ELP4: variants seen among roughly 807,000 people sequenced by gnomAD.
ELP4 encodes the protein elongator acetyltransferase complex subunit 4, also known as elongator complex protein 4.
ELP4 carries 51 observed loss-of-function variants against 48.9 expected under a neutral mutation model. The ratio of observed to expected loss-of-function variants is 1.04; its 90% CI spans 0.83 to 1.32. ELP4 has a LOEUF of 1.32. Among genes scored for constraint, ELP4 ranks in the 40% most tolerant of loss-of-function variants. The pLI is 0.00. For missense variants in ELP4, 519 were observed against 514.6 expected, an observed-to-expected ratio of 1.01 and a Z score of -0.08; for synonymous variants, 210 against 189.2, an observed-to-expected ratio of 1.11 and a Z score of -0.90.
intron 9 of ELP4, among the ~76,000 whole-genome samples, chr11:31,712,105 C>T (rs1204557695): frequency 6.6e-6 from 1 of 151,852 alleles, no homozygotes; most frequent in African/African-American, 2.4e-5. Context: ...GTCTAGTTAC[C>T]ATCATTATGA....
chr11:31,779,043 GA>G (rs1160879471), intron 9 of ELP4, among the ~76,000 whole-genome samples: 1 of 151,944 alleles, frequency 6.6e-6, no homozygotes, highest in East Asian at 1.9e-4. Context: ...ATGTTTTAAA[GA>G]AAAATGAAAA....
chr11:31,532,743 A>C (rs890999153), intron 2 of ELP4, among the ~76,000 whole-genome samples: 8 of 149,906 alleles, frequency 5.3e-5, no homozygotes, highest in African/African-American at 1.9e-4. Context: ...CTCAGGGTGT[A>C]CAAGTACAGA....
At chr11:31,602,989 G>A (rs1957809631) in intron 4 of ELP4, among the ~76,000 whole-genome samples, 1 of 151,874 alleles carries the variant, frequency 6.6e-6, no homozygotes, top group South Asian at 2.1e-4. Context: ...TAATAATAAT[G>A]TTATGTTAGT....
chr11:31,744,905 G>C (rs1246428052), intron 9 of ELP4, among the ~76,000 whole-genome samples: 2 of 152,192 alleles, frequency 1.3e-5, no homozygotes, highest in East Asian at 1.9e-4. Context: ...TCAGGCAGGG[G>C]AAGGAAATAA....
At chr11:31,642,792 A>G (rs2146568) in intron 7 of ELP4, among the ~76,000 whole-genome samples, 14,145 of 151,908 alleles carry the variant, frequency 0.093, 878 homozygotes, top group East Asian at 0.22. Flanking sequence ...TTAATAAAAT[A>G]AAAATCTAAT....
Position 31,631,537 on chromosome 11 carries a change from A to G in ELP4, c.739-680A>G, listed in dbSNP as rs1199933024. On this transcript the variant is annotated intron_variant, in intron 6 of 9. Coordinates refer to ENST00000640961, the MANE Select transcript of ELP4 (RefSeq NM_019040.5). ...TAAACACATCTGTTGTTAAATGTTTATTCACAGTGATGTATTCACAGTTTA... is the reference window on the plus strand; with the variant it reads ...TAAACACATCTGTTGTTAAATGTTTGTTCACAGTGATGTATTCACAGTTTA... Among the ~76,000 whole-genome samples, 18 of 152,158 alleles carry G rather than the reference A, an allele frequency of 1.2e-4. 1 individual carries two copies. Among genetic ancestry groups the G allele is most frequent in the Non-Finnish European group, 2.5e-4 (17 of 67,994 alleles).
At position 31,546,386 on chromosome 11, in the gene ELP4, G is replaced by T. The variant is rs545008845; in HGVS notation, c.381+6603G>T. 1.1e-3 allele frequency among the ~76,000 whole-genome samples: 174 copies of T among 152,270 alleles called. 1 individual carries two copies. Among genetic ancestry groups the T allele is most frequent in the African/African-American group, 3.6e-3 (151 of 41,550 alleles). On this transcript the variant is annotated intron_variant, in intron 3 of 9. Transcript: ENST00000640961. The stretch of plus-strand genomic sequence containing the variant: ...ACCAACAAAGATCAAAAGGAACAAA[G>T]AAGGCCATTATATAATGGTAAAGGG...
At chr11:31,587,365 A>G (rs1209354049) in intron 3 of ELP4, among the ~76,000 whole-genome samples, 2 of 152,224 alleles carry the variant, frequency 1.3e-5, no homozygotes, top group African/African-American at 2.4e-5. Flanking sequence ...TAGGGGGGAA[A>G]AAAACGAGAT....
At chr11:31,682,743 TACAAAAA>T (rs1404098208) in intron 9 of ELP4, among the ~76,000 whole-genome samples, 2 of 152,124 alleles carry the variant, frequency 1.3e-5, no homozygotes, top group African/African-American at 2.4e-5. Flanking sequence ...AATTGACTGA[TACAAAAA>T]TAGAGTTAGG....
chr11:31,605,355 T>C (rs1412833838), intron 5 of ELP4, among the ~76,000 whole-genome samples: 1 of 152,066 alleles, frequency 6.6e-6, no homozygotes, highest in Non-Finnish European at 1.5e-5. Flanking sequence ...GTGATTATAT[T>C]GATTTTTATG....
intron 9 of ELP4, among the ~76,000 whole-genome samples, chr11:31,762,443 G>A (rs1179907429): frequency 6.6e-6 from 1 of 151,958 alleles, no homozygotes; most frequent in Non-Finnish European, 1.5e-5. Context: ...TTTAAAAAAT[G>A]TAAATTTTTA....
intron 9 of ELP4, among the ~76,000 whole-genome samples, chr11:31,688,874 A>G (rs1217217793): frequency 1.3e-5 from 2 of 152,132 alleles, no homozygotes; most frequent in African/African-American, 2.4e-5. Flanking sequence ...TTGAGGGGGG[A>G]AAATCAGGGG....
intron 3 of ELP4, among the ~76,000 whole-genome samples, chr11:31,555,056 G>A (rs1452825248): frequency 2.0e-5 from 3 of 152,042 alleles, no homozygotes; most frequent in African/African-American, 4.8e-5. Flanking sequence ...TAGTCAAAGC[G>A]CCTGTATGCT....
At chr11:31,777,396 G>T (rs543267920) in intron 9 of ELP4, among the ~76,000 whole-genome samples, 32 of 152,248 alleles carry the variant, frequency 2.1e-4, no homozygotes, top group South Asian at 1.2e-3. Context: ...GACTAGTGGG[G>T]TCATCAGGTA....
At chr11:31,520,194 G>A (rs754537171) in intron 2 of ELP4, 103 bp downstream of exon 2, 43 of 954,058 alleles carry the variant, frequency 4.5e-5, no homozygotes, top group Non-Finnish European at 6.4e-5. Flanking sequence ...TCACTAACAC[G>A]ACAGAAGTTA....
At position 31,785,328 on chromosome 11, in the gene ELP4, A is replaced by C. The variant is rs1481362585; in HGVS notation, c.*1804A>C. 4 of 183,190 alleles carry C rather than the reference A, an allele frequency of 2.2e-5. No individual in the cohort carries two copies. Among genetic ancestry groups the C allele is most frequent in the Non-Finnish European group, 4.6e-5 (4 of 86,116 alleles). The allele number at this position is 183,190 out of a possible 1,614,324, so 11.3% of individuals were successfully genotyped here. On this transcript the variant is annotated 3_prime_UTR_variant, in exon 10 of 10. Transcript: ENST00000640961. ...ATTTTATACAACACACAATGGAACA[A>C]TTACATAGCATTTGACTTGCTGAAA...
intron 9 of ELP4, among the ~76,000 whole-genome samples, chr11:31,757,628 C>G (rs926322019): frequency 6.6e-6 from 1 of 152,122 alleles, no homozygotes; most frequent in African/African-American, 2.4e-5. Context: ...TGCTCATTTT[C>G]TGAAGTTGAA....
chr11:31,573,002 T>C (rs1957212541), intron 3 of ELP4, among the ~76,000 whole-genome samples: 2 of 152,094 alleles, frequency 1.3e-5, no homozygotes, highest in East Asian at 1.9e-4. Flanking sequence ...AGCAAGACTC[T>C]GTCTCAAAAA....
intron 9 of ELP4, among the ~76,000 whole-genome samples, chr11:31,683,874 C>A (rs1946106804): frequency 6.6e-6 from 1 of 152,012 alleles, no homozygotes; most frequent in Admixed American, 6.6e-5. Flanking sequence ...AAATAATGAA[C>A]AATAGGAATT....
Sources: allele counts gnomAD v4.1 joint callset (sites outside exome capture counted in the v4.1 genomes callset), GRCh38; gene constraint gnomAD v4.1.1; transcripts MANE v1.5; gene names NCBI Gene and HGNC (gene_info 2026-07-23, HGNC 2026-07-21).